The following DPP10 variants were observed in gnomAD, a reference collection of about 807,000 sequenced individuals.
The protein encoded by DPP10 is inactive dipeptidyl peptidase 10.
Under a neutral mutation model 120.9 loss-of-function variants are expected in DPP10, and 33 were observed. The ratio of observed to expected loss-of-function variants is 0.27; its 90% confidence interval spans 0.21 to 0.37. The LOEUF (loss-of-function observed/expected upper bound fraction) is 0.37. DPP10 is among the 10% of genes least tolerant of loss of function. The pLI, the probability that DPP10 is intolerant of heterozygous loss-of-function variation, is 1.00. For missense variants in DPP10, 816 were observed against 942.8 expected, an observed-to-expected ratio of 0.87 and a Z score of 1.76; for synonymous variants, 337 against 326.1, an observed-to-expected ratio of 1.03 and a Z score of -0.36.
intron 7 of DPP10, among the ~76,000 whole-genome samples, chr2:115,696,321 A>G (rs2091587148): frequency 6.6e-6 from 1 of 152,160 alleles, no homozygotes; most frequent in Non-Finnish European, 1.5e-5. Context: ...CTGTTGAAAG[A>G]CAAAGACAAA....
At chr2:115,657,596 C>T (rs2088495616) in intron 5 of DPP10, among the ~76,000 whole-genome samples, 1 of 151,664 alleles carries the variant, frequency 6.6e-6, no homozygotes, top group African/African-American at 2.4e-5. Flanking sequence ...GCTCAACCAC[C>T]ATTCCAAAAG....
intron 5 of DPP10, among the ~76,000 whole-genome samples, chr2:115,552,648 T>G (rs921318924): frequency 2.6e-5 from 4 of 152,202 alleles, no homozygotes; most frequent in African/African-American, 9.6e-5. Context: ...TTTTAATAAT[T>G]TTTAAATGTG....
chr2:114,753,670 G>T (rs900008847), intron 1 of DPP10, among the ~76,000 whole-genome samples: 2 of 152,066 alleles, frequency 1.3e-5, no homozygotes, highest in Non-Finnish European at 2.9e-5. Context: ...AGCACTTTGG[G>T]AGGCCGAGGT....
chr2:114,891,502 G>A (rs533807886), intron 1 of DPP10, among the ~76,000 whole-genome samples: 17 of 152,276 alleles, frequency 1.1e-4, no homozygotes, highest in African/African-American at 2.2e-4. Flanking sequence ...AAGTTTCACC[G>A]CATTGAGAAA....
chr2:115,203,886 A>G (rs2055925395), intron 1 of DPP10, among the ~76,000 whole-genome samples: 1 of 152,140 alleles, frequency 6.6e-6, no homozygotes, highest in Non-Finnish European at 1.5e-5. Flanking sequence ...CTAACAATAG[A>G]CTTCTACCTA....
intron 1 of DPP10, among the ~76,000 whole-genome samples, chr2:115,239,099 C>G (rs572999321): frequency 3.7e-4 from 57 of 152,310 alleles, no homozygotes; most frequent in African/African-American, 1.3e-3. Context: ...GTGCCCCCCC[C>G]AGATTAAGGG....
intron 3 of DPP10, among the ~76,000 whole-genome samples, chr2:115,377,492 T>C (rs974862453): frequency 2.6e-5 from 4 of 152,116 alleles, no homozygotes; most frequent in African/African-American, 4.8e-5. Context: ...TTTCCTCCCA[T>C]TCTGTAGGTT....
At chr2:115,286,092 T>C (rs2060352191) in intron 1 of DPP10, among the ~76,000 whole-genome samples, 1 of 151,970 alleles carries the variant, frequency 6.6e-6, no homozygotes, top group Non-Finnish European at 1.5e-5. Context: ...TTTTCATTAC[T>C]GCAGGAGGAA....
intron 1 of DPP10, among the ~76,000 whole-genome samples, chr2:115,261,962 A>G (rs1294858819): frequency 3.9e-5 from 6 of 152,208 alleles, no homozygotes; most frequent in Admixed American, 3.9e-4. Context: ...TTGACAAGGG[A>G]TAAAGAGGAC....
chr2:114,713,284 C>T (rs893826573), intron 1 of DPP10, among the ~76,000 whole-genome samples: 4 of 151,986 alleles, frequency 2.6e-5, no homozygotes, highest in African/African-American at 4.8e-5. Context: ...CACCGTACCC[C>T]GCCTAATTTT....
At chr2:115,580,393 A>G (rs1182185952) in intron 5 of DPP10, 1 of 152,218 alleles carries the variant, frequency 6.6e-6, no homozygotes, top group Non-Finnish European at 1.5e-5. Context: ...TGATCATTAT[A>G]ATCAACATTA....
chr2:114,798,134 A>T (rs1306769365), intron 1 of DPP10, among the ~76,000 whole-genome samples: 1 of 152,198 alleles, frequency 6.6e-6, no homozygotes, highest in African/African-American at 2.4e-5. Context: ...AAGGCCAGCC[A>T]AGTCTAAGTA....
intron 1 of DPP10, among the ~76,000 whole-genome samples, chr2:114,861,584 C>T (rs1689812972): frequency 6.6e-6 from 1 of 152,110 alleles, no homozygotes; most frequent in South Asian, 2.1e-4. Context: ...TTTTGAACTA[C>T]ATTTATGTTG....
At chr2:115,446,977 C>T (rs1473865556) in intron 3 of DPP10, among the ~76,000 whole-genome samples, 1 of 152,288 alleles carries the variant, frequency 6.6e-6, no homozygotes, top group African/African-American at 2.4e-5. Context: ...TGCTCTTGCT[C>T]TATCACCATG....
At chr2:114,512,240 G>A (rs938353042) in intron 1 of DPP10, among the ~76,000 whole-genome samples, 7 of 152,110 alleles carry the variant, frequency 4.6e-5, no homozygotes, top group Non-Finnish European at 1.0e-4. Context: ...AGGGGACCAC[G>A]GTGTCAGCCT....
At chr2:114,916,491 G>C (rs904354438) in intron 1 of DPP10, among the ~76,000 whole-genome samples, 4 of 152,086 alleles carry the variant, frequency 2.6e-5, no homozygotes, top group Non-Finnish European at 4.4e-5. Context: ...CATTGTTTTG[G>C]TACCAAAACC....
chr2:115,812,788 C>A (rs1686783042), intron 19 of DPP10, among the ~76,000 whole-genome samples: 1 of 151,872 alleles, frequency 6.6e-6, no homozygotes, highest in African/African-American at 2.4e-5. Flanking sequence ...TACGGTGTTT[C>A]TTTATTTATA....
At chr2:115,561,723 C>T (rs750815012) in intron 5 of DPP10, among the ~76,000 whole-genome samples, 4 of 151,792 alleles carry the variant, frequency 2.6e-5, no homozygotes, top group African/African-American at 9.7e-5. Flanking sequence ...TAGACAAAGA[C>T]GTATTATTGA....
At chr2:115,196,474 T>C (rs2055276785) in intron 1 of DPP10, among the ~76,000 whole-genome samples, 1 of 152,212 alleles carries the variant, frequency 6.6e-6, no homozygotes. Context: ...TAAGACTATA[T>C]TTATTTTAGA....
Sources: gnomAD v4.1 joint callset for allele counts (sites outside exome capture counted in the v4.1 genomes callset) on GRCh38, gnomAD v4.1.1 for gene constraint, MANE v1.5 for transcripts, NCBI Gene and HGNC (gene_info 2026-07-23, HGNC 2026-07-21) for gene names.